C1QTNF7: variants seen among roughly 807,000 people sequenced by gnomAD.
The protein encoded by C1QTNF7 is complement C1q tumor necrosis factor-related protein 7.
C1QTNF7 carries 15 observed loss-of-function variants against 19.6 expected under a neutral mutation model. The ratio of observed to expected loss-of-function variants is 0.76; its 90% CI spans 0.51 to 1.18. The LOEUF is 1.18. Ranked by LOEUF, C1QTNF7 falls within the 50% of genes most tolerant of loss-of-function variation. The probability of loss-of-function intolerance (pLI) is 0.00; values close to 1 mark genes in which losing one functional copy is unlikely to be tolerated. For synonymous variants in C1QTNF7, 142 were observed against 137.5 expected (o/e 1.03, Z -0.23); for missense variants, 324 against 359.7 (o/e 0.90, Z 0.80).
At chr4:15,387,691 G>A (rs1481385172) in intron 1 of C1QTNF7, among the ~76,000 whole-genome samples, 1 of 152,160 alleles carries the variant, frequency 6.6e-6, no homozygotes, top group East Asian at 1.9e-4. Flanking sequence ...AGGACTTTGA[G>A]ATGAAAGGGA....
chr4:15,398,614 G>A (rs762522941), intron 1 of C1QTNF7, among the ~76,000 whole-genome samples: 5 of 152,148 alleles, frequency 3.3e-5, no homozygotes, highest in Non-Finnish European at 7.4e-5. Context: ...TCACAGAAGT[G>A]CCTTTTGTGA....
In C1QTNF7 at chr4:15,438,747, C is replaced by T. The variant is rs562079402; in HGVS notation, c.238+2766C>T. Among the ~76,000 whole-genome samples, 17 of 152,252 alleles carry T rather than the reference C, an allele frequency of 1.1e-4. No homozygotes were observed. The South Asian group carries it at 3.3e-3, about 30-fold the overall frequency. On this transcript the variant is annotated intron_variant, in intron 2 of 2. Coordinates refer to ENST00000444304, the MANE Select transcript of C1QTNF7 (RefSeq NM_031911.5). Reference sequence around the variant, plus strand: ...TCATATGGATGTAGGTATTCATGAACTTAACTTTGGCCCATATTTGCAGAT... The same window carrying T: ...TCATATGGATGTAGGTATTCATGAATTTAACTTTGGCCCATATTTGCAGAT...
At chr4:15,393,521 C>T (rs957341333) in intron 1 of C1QTNF7, among the ~76,000 whole-genome samples, 3 of 152,194 alleles carry the variant, frequency 2.0e-5, no homozygotes, top group Non-Finnish European at 4.4e-5. Context: ...CGCAGACTCT[C>T]GAGCCCAACA....
chr4:15,380,771 C>T (rs1718110778), intron 1 of C1QTNF7, among the ~76,000 whole-genome samples: 1 of 152,064 alleles, frequency 6.6e-6, no homozygotes, highest in African/African-American at 2.4e-5. Context: ...CCCATTTCTA[C>T]TGAAAATATG....
At chr4:15,413,418 C>T (rs950603097) in intron 1 of C1QTNF7, among the ~76,000 whole-genome samples, 2 of 152,190 alleles carry the variant, frequency 1.3e-5, no homozygotes, top group Non-Finnish European at 2.9e-5. Flanking sequence ...GGGGAATAAA[C>T]CCAACCACTT....
Position 15,422,335 on chromosome 4 carries a change from C to CA in C1QTNF7, c.14-13400dup, listed in dbSNP as rs543856363. ...CCTGAACATGCCTAGTTATTCTTTT[C>CA]ATATTTGCCTATCTGATAATTCATC... On this transcript the variant is annotated intron_variant, in intron 1 of 2. Coordinates refer to the C1QTNF7 transcript ENST00000295297. 4.0e-3 allele frequency among the ~76,000 whole-genome samples: 601 copies of CA among 151,760 alleles called. 9 individuals carry two copies. Among genetic ancestry groups the CA allele is most frequent in the African/African-American group, 0.014 (577 of 41,396 alleles).
intron 1 of C1QTNF7, among the ~76,000 whole-genome samples, chr4:15,372,550 T>C (rs985841006): frequency 1.3e-5 from 2 of 152,222 alleles, no homozygotes; most frequent in Non-Finnish European, 2.9e-5. Context: ...AAAATTCTTC[T>C]TACAGATGAT....
intron 1 of C1QTNF7, among the ~76,000 whole-genome samples, chr4:15,413,255 A>T (rs1291648423): frequency 6.6e-6 from 1 of 152,208 alleles, no homozygotes; most frequent in Non-Finnish European, 1.5e-5. Flanking sequence ...TTACCTATCT[A>T]TGTTTTTATT....
chr4:15,354,426 G>C (rs967939597), intron 1 of C1QTNF7, among the ~76,000 whole-genome samples: 5 of 152,102 alleles, frequency 3.3e-5, no homozygotes, highest in Admixed American at 2.0e-4. Flanking sequence ...GACCATGTGT[G>C]GGGGAGGTAC....
At chr4:15,398,914 G>A (rs1471058865) in intron 1 of C1QTNF7, among the ~76,000 whole-genome samples, 7 of 152,160 alleles carry the variant, frequency 4.6e-5, no homozygotes, top group African/African-American at 1.4e-4. Flanking sequence ...GTGCTTCTGG[G>A]ATCTCGCATT....
At chr4:15,358,188 A>T (rs1717210118) in intron 1 of C1QTNF7, 2 of 152,286 alleles carry the variant, frequency 1.3e-5, no homozygotes, top group South Asian at 4.2e-4. Flanking sequence ...TTGCCCATTC[A>T]GTATGATATT....
intron 1 of C1QTNF7, among the ~76,000 whole-genome samples, chr4:15,422,641 G>A (rs1711831849): frequency 6.6e-6 from 1 of 151,044 alleles, no homozygotes; most frequent in African/African-American, 2.4e-5. Flanking sequence ...GTCTTGCTTT[G>A]TCACCTAGGC....
At chr4:15,347,181 G>A (rs540012685) in intron 1 of C1QTNF7, among the ~76,000 whole-genome samples, 1 of 152,234 alleles carries the variant, frequency 6.6e-6, no homozygotes, top group East Asian at 1.9e-4. Context: ...GGCTGAGATG[G>A]AATGGTGCCC....
intron 1 of C1QTNF7, among the ~76,000 whole-genome samples, chr4:15,416,484 C>T (rs568136742): frequency 3.9e-4 from 59 of 152,292 alleles, no homozygotes; most frequent in African/African-American, 1.3e-3. Flanking sequence ...TGATCCTGAA[C>T]GCTGACCATG....
intron 1 of C1QTNF7, among the ~76,000 whole-genome samples, chr4:15,398,850 G>A (rs1329018900): frequency 6.6e-6 from 1 of 152,180 alleles, no homozygotes; most frequent in Non-Finnish European, 1.5e-5. Context: ...AGCAGGCAAC[G>A]TGAGAAATCA....
chr4:15,396,834 G>A (rs895566424), intron 1 of C1QTNF7, among the ~76,000 whole-genome samples: 5 of 152,154 alleles, frequency 3.3e-5, no homozygotes, highest in African/African-American at 9.7e-5. Flanking sequence ...AAACTTTCCT[G>A]TAGTTCCAGA....
chr4:15,388,999 C>G (rs1157170415), intron 1 of C1QTNF7, among the ~76,000 whole-genome samples: 1 of 152,188 alleles, frequency 6.6e-6, no homozygotes, highest in African/African-American at 2.4e-5. Flanking sequence ...GGGTTGAAAA[C>G]AGCCTCCACC....
At chr4:15,398,238 C>T (rs1453243301) in intron 1 of C1QTNF7, among the ~76,000 whole-genome samples, 2 of 152,126 alleles carry the variant, frequency 1.3e-5, no homozygotes, top group Non-Finnish European at 2.9e-5. Flanking sequence ...TTCTTCCACA[C>T]CCAACTGGAA....
exon 1 of C1QTNF7, chr4:15,340,150 A>C (rs1435531392): frequency 6.4e-7 from 1 of 1,551,006 alleles, no homozygotes; most frequent in South Asian, 1.2e-5. Flanking sequence ...TGGGACAACC[A>C]AAGCAAGAAA....
Sources: gnomAD v4.1 joint callset for allele counts (sites outside exome capture counted in the v4.1 genomes callset) on GRCh38, gnomAD v4.1.1 for gene constraint, MANE v1.5 for transcripts, NCBI Gene and HGNC (gene_info 2026-07-23, HGNC 2026-07-21) for gene names.